Variants in PDGFRA observed in about 807,000 individuals in gnomAD.
PDGFRA encodes platelet-derived growth factor receptor alpha.
Under a neutral mutation model 121.5 loss-of-function variants are expected in PDGFRA, and 25 were observed. The ratio of observed to expected loss-of-function variants is 0.21; its 90% CI spans 0.15 to 0.29. PDGFRA has a LOEUF of 0.29. Ranked by LOEUF, PDGFRA falls within the 10% of genes least tolerant of loss-of-function variation. The pLI is 1.00. For missense variants in PDGFRA, 1,008 were observed against 1,345.1 expected, an observed-to-expected ratio of 0.75 and a Z score of 3.92; for synonymous variants, 463 against 494.8, an observed-to-expected ratio of 0.94 and a Z score of 0.85.
intron 22 of PDGFRA, among the ~76,000 whole-genome samples, chr4:54,291,857 CAA>C (rs1272877693): frequency 6.6e-6 from 1 of 151,984 alleles, no homozygotes; most frequent in African/African-American, 2.4e-5. Context: ...TTCACGATAG[CAA>C]AGACATGGAA....
chr4:54,250,819 C>T (rs1264965969), intron 1 of PDGFRA, among the ~76,000 whole-genome samples: 2 of 152,102 alleles, frequency 1.3e-5, no homozygotes, highest in African/African-American at 4.8e-5. Context: ...AATCCCAGCA[C>T]TTTGGGAGGC....
rs1305375012 is a variant in PDGFRA, at chr4:54,295,469, C to G, written c.*197C>G. 12 of 587,862 alleles carry G rather than the reference C, an allele frequency of 2.0e-5. No homozygotes were observed. In the African/African-American group the frequency reaches 2.0e-4, roughly 10 times the overall value. The allele number at this position is 587,862 out of a possible 1,614,324, so 36.4% of individuals were successfully genotyped here. A position where few individuals can be genotyped will look rare whatever the true frequency, so the allele number is the denominator to read the frequency against. Reference sequence around the variant, plus strand: ...GAAATGAACTTTGTCAGTGTTGCCTCTTGCAATGCCTCAGTAGCATCTCAG... The same window carrying G: ...GAAATGAACTTTGTCAGTGTTGCCTGTTGCAATGCCTCAGTAGCATCTCAG... On this transcript the variant is annotated 3_prime_UTR_variant, in exon 23 of 23. Coordinates refer to ENST00000257290, the MANE Select transcript of PDGFRA (RefSeq NM_006206.6).
intron 15 of PDGFRA, among the ~76,000 whole-genome samples, chr4:54,279,513 T>C (rs1191618918): frequency 6.6e-6 from 1 of 152,224 alleles, no homozygotes; most frequent in Non-Finnish European, 1.5e-5. Context: ...TTGATCTGTG[T>C]ATTTATTTTG....
In PDGFRA at chr4:54,280,376, T is replaced by A. The variant is rs139301546; in HGVS notation, c.2217T>A (p.Thr739=). 49 of 1,612,298 alleles carry A rather than the reference T, an allele frequency of 3.0e-5. No homozygotes were observed. Among genetic ancestry groups the A allele is most frequent in the Non-Finnish European group, 3.7e-5 (44 of 1,178,280 alleles). ...GDYMDMKQAD[T]TQYVPMLERK... is the part of the protein sequence containing the mutation. ...ACATGGACATGAAGCAGGCTGATAC[T>A]ACACAGTATGTCCCCATGCTAGAAA... The change falls in exon 16 of 23, where the codon ACT becomes ACA. Residue 739 remains threonine (T), a synonymous_variant. Coordinates refer to ENST00000257290, the MANE Select transcript of PDGFRA (RefSeq NM_006206.6).
intron 1 of PDGFRA, chr4:54,240,101 C>A: frequency 2.5e-6 from 1 of 401,450 alleles, no homozygotes; most frequent in African/African-American, 2.1e-5. Context: ...GATCTGCCTG[C>A]CTCAGCTTCC....
intron 12 of PDGFRA, 199 bp from the exon 13 acceptor site, chr4:54,277,189 C>CTTTTGCAAGT: frequency 1.6e-6 from 1 of 627,506 alleles, no homozygotes; most frequent in Non-Finnish European, 2.9e-6. Context: ...AAGTGTTATT[C>CTTTTGCAAGT]GACAAAAGCA....
At chr4:54,290,219 T>C (rs867173947) in intron 21 of PDGFRA, 94 bp from the exon 22 acceptor site, 5 of 1,015,786 alleles carry the variant, frequency 4.9e-6, no homozygotes, top group Middle Eastern at 4.1e-4. Context: ...TGGAGATATG[T>C]ACAGTTAAAT....
At chr4:54,235,504 T>C (rs932470117) in intron 1 of PDGFRA, among the ~76,000 whole-genome samples, 17 of 152,284 alleles carry the variant, frequency 1.1e-4, no homozygotes, top group Admixed American at 9.8e-4. Context: ...GATGGCACCC[T>C]GTTAAAGAGA....
Position 54,297,980 on chromosome 4 carries a change from C to A in PDGFRA, c.*2708C>A. Reference sequence around the variant, plus strand: ...TTATGACAAGCTGTATCACTGCCTTCGTTTATATTTTTTTAACTGTGATAA... The same window carrying A: ...TTATGACAAGCTGTATCACTGCCTTAGTTTATATTTTTTTAACTGTGATAA... On this transcript the variant is annotated 3_prime_UTR_variant, in exon 23 of 23. Transcript: ENST00000257290. The A allele has an allele frequency of 4.3e-6, 1 of 231,508 alleles. No individual in the cohort carries two copies. Among genetic ancestry groups the A allele is most frequent in the Non-Finnish European group, 8.6e-6 (1 of 116,784 alleles). The allele number at this position is 231,508 out of a possible 1,614,324, so 14.3% of individuals were successfully genotyped here.
At chr4:54,272,563 T>C in intron 9 of PDGFRA, 43 bp downstream of exon 9, 1 of 1,603,260 alleles carries the variant, frequency 6.2e-7, no homozygotes, top group Non-Finnish European at 8.5e-7. Context: ...GGTCAGAATA[T>C]TTCTCCCTTG....
At chr4:54,258,681 A>G (rs1301262365) in intron 1 of PDGFRA, 76 bp from the exon 2 acceptor site, 2 of 913,668 alleles carry the variant, frequency 2.2e-6, no homozygotes, top group South Asian at 2.6e-5. Flanking sequence ...TCTGTTGTGC[A>G]AAACACAAAG....
In PDGFRA at chr4:54,296,195, C is replaced by T. The variant is rs1227012507; in HGVS notation, c.*923C>T. On this transcript the variant is annotated 3_prime_UTR_variant, in exon 23 of 23. Transcript: ENST00000257290. ...GTACTGAATAGGTTCCCCAATCCAT[C>T]GTATTAAAAAACAATTAACTGCCCT... The T allele has an allele frequency of 1.7e-5, 4 of 232,578 alleles. No individual in the cohort carries two copies. The highest frequency in any genetic ancestry group is 5.6e-5 in the Admixed American group (1 of 17,760). The allele number at this position is 232,578 out of a possible 1,614,324, so 14.4% of individuals were successfully genotyped here.
rs768819983 is a variant in PDGFRA at position 54,263,875 on chromosome 4, C to T, written c.576C>T (p.Thr192=). The change falls in exon 4 of 23, where the codon ACC becomes ACT. Residue 192 remains threonine (T), a synonymous_variant. Transcript: ENST00000257290. ...TAGGGCCCTATATCTGTGAGGCCAC[C>T]GTCAAAGGAAAGAAGTTCCAGACCA... ...FTVGPYICEA[T]VKGKKFQTIP... 8 of 1,613,922 alleles carry T rather than the reference C, an allele frequency of 5.0e-6. No homozygotes were observed. In the East Asian group the frequency reaches 8.9e-5, roughly 18 times the overall value.
intron 22 of PDGFRA, among the ~76,000 whole-genome samples, chr4:54,291,574 T>A (rs1052495207): frequency 6.6e-6 from 1 of 152,194 alleles, no homozygotes; most frequent in Admixed American, 6.5e-5. Context: ...AGAACCGTGA[T>A]GAGATACCAT....
intron 19 of PDGFRA, among the ~76,000 whole-genome samples, chr4:54,287,835 G>A (rs927344126): frequency 2.0e-4 from 31 of 152,122 alleles, no homozygotes; most frequent in African/African-American, 6.0e-4. Flanking sequence ...AATGACATTC[G>A]CATCCCAGCT....
chr4:54,277,522 G>A (rs2110309631), intron 13 of PDGFRA, 30 bp downstream of exon 13: 1 of 1,466,982 alleles, frequency 6.8e-7, no homozygotes, highest in Non-Finnish European at 9.6e-7. Context: ...GATTTTTTGA[G>A]CACGGGGATT....
intron 15 of PDGFRA, 161 bp downstream of exon 15, chr4:54,278,676 A>T (rs1337402197): frequency 1.4e-6 from 1 of 692,432 alleles, no homozygotes. Flanking sequence ...TCATGCAGAG[A>T]GATGCATGAT....
intron 19 of PDGFRA, 71 bp from the exon 20 acceptor site, chr4:54,288,728 C>T: frequency 1.1e-6 from 1 of 889,034 alleles, no homozygotes; most frequent in Non-Finnish European, 1.9e-6. Flanking sequence ...TAACAGTGTT[C>T]TATCATGCCA....
At chr4:54,266,964 A>G (rs1018262723) in intron 5 of PDGFRA, among the ~76,000 whole-genome samples, 9 of 152,248 alleles carry the variant, frequency 5.9e-5, no homozygotes, top group Non-Finnish European at 2.9e-5. Flanking sequence ...CCTGGGCAGC[A>G]GAGTGAGATT....
Sources: allele counts gnomAD v4.1 joint callset (sites outside exome capture counted in the v4.1 genomes callset), GRCh38; gene constraint gnomAD v4.1.1; transcripts MANE v1.5; gene names NCBI Gene and HGNC (gene_info 2026-07-23, HGNC 2026-07-21).